The following CNTNAP4 variants were observed in gnomAD, a reference collection of about 807,000 sequenced individuals.
CNTNAP4 encodes the protein contactin-associated protein-like 4.
In CNTNAP4, 98 loss-of-function variants were observed where a neutral mutation model predicts 148.4. The observed-to-expected ratio is 0.66, with a 90% CI of 0.56 to 0.78. The LOEUF (loss-of-function observed/expected upper bound fraction) is 0.78. CNTNAP4 is among the 30% of genes least tolerant of loss of function. CNTNAP4 has a pLI of 0.00. For missense variants in CNTNAP4, 1,935 were observed against 1,565.6 expected (o/e 1.24, Z -3.98); for synonymous variants, 730 against 565.1 (o/e 1.29, Z -4.14).
At chr16:76,369,882 C>T (rs563898797) in intron 3 of CNTNAP4, among the ~76,000 whole-genome samples, 74 of 152,040 alleles carry the variant, frequency 4.9e-4, no homozygotes, top group African/African-American at 1.5e-3. Context: ...AGAGGATTTG[C>T]CCTTTCTCCT....
chr16:76,469,900 T>C (rs937738076), intron 10 of CNTNAP4, among the ~76,000 whole-genome samples: 1 of 152,164 alleles, frequency 6.6e-6, no homozygotes, highest in South Asian at 2.1e-4. Context: ...TGTTGTCTTA[T>C]ACTCAGAAGA....
chr16:76,362,137 C>G (rs2013513238), intron 3 of CNTNAP4, among the ~76,000 whole-genome samples: 1 of 151,936 alleles, frequency 6.6e-6, no homozygotes, highest in Admixed American at 6.6e-5. Flanking sequence ...AAATTTAAAA[C>G]ATAGTCTCAT....
At chr16:76,393,010 T>C (rs1342854367) in intron 3 of CNTNAP4, among the ~76,000 whole-genome samples, 1 of 152,220 alleles carries the variant, frequency 6.6e-6, no homozygotes, top group Non-Finnish European at 1.5e-5. Context: ...TTATCGTAAG[T>C]ATTTTAATGA....
intron 1 of CNTNAP4, among the ~76,000 whole-genome samples, chr16:76,297,388 AT>A (rs1468401469): frequency 1.3e-5 from 2 of 152,166 alleles, no homozygotes; most frequent in African/African-American, 2.4e-5. Flanking sequence ...AACTATTTAT[AT>A]TTATTTTTGT....
intron 3 of CNTNAP4, among the ~76,000 whole-genome samples, chr16:76,369,828 T>C (rs963908784): frequency 1.3e-5 from 2 of 151,750 alleles, no homozygotes; most frequent in Non-Finnish European, 1.5e-5. Context: ...GGCAACAGAG[T>C]GAGACCCTGT....
intron 3 of CNTNAP4, among the ~76,000 whole-genome samples, chr16:76,420,510 C>T (rs974307250): frequency 6.6e-6 from 1 of 151,914 alleles, no homozygotes; most frequent in Non-Finnish European, 1.5e-5. Flanking sequence ...CCTTTAATCT[C>T]CGTGCGGGGC....
At chr16:76,444,688 A>G (rs1037361658) in intron 4 of CNTNAP4, among the ~76,000 whole-genome samples, 1 of 152,182 alleles carries the variant, frequency 6.6e-6, no homozygotes, top group Non-Finnish European at 1.5e-5. Flanking sequence ...TTTTATAAAA[A>G]TTGCTTATAA....
intron 17 of CNTNAP4, among the ~76,000 whole-genome samples, chr16:76,533,615 T>G (rs1442418263): frequency 1.3e-5 from 2 of 152,010 alleles, no homozygotes; most frequent in African/African-American, 4.8e-5. Context: ...TGTCTATTAA[T>G]TTTTACAACA....
At chr16:76,473,405 T>A (rs73621029) in intron 10 of CNTNAP4, among the ~76,000 whole-genome samples, 3,521 of 152,290 alleles carry the variant, frequency 0.023, 123 homozygotes, top group African/African-American at 0.081. Flanking sequence ...CATCTCTTTT[T>A]TTATAATCAG....
At chr16:76,450,759 C>T (rs759654308) in intron 7 of CNTNAP4, among the ~76,000 whole-genome samples, 3 of 152,164 alleles carry the variant, frequency 2.0e-5, no homozygotes, top group African/African-American at 4.8e-5. Flanking sequence ...TCTGTGGAAA[C>T]GGGGACAATT....
At chr16:76,290,724 C>T (rs1423996496) in intron 1 of CNTNAP4, among the ~76,000 whole-genome samples, 1 of 152,204 alleles carries the variant, frequency 6.6e-6, no homozygotes, top group Admixed American at 6.5e-5. Context: ...AAAAGCTTCA[C>T]TCCTTCCCGA....
chr16:76,531,382 T>C (rs954503520), intron 17 of CNTNAP4, among the ~76,000 whole-genome samples: 1 of 152,190 alleles, frequency 6.6e-6, no homozygotes, highest in Non-Finnish European at 1.5e-5. Context: ...GCTGGGTCTC[T>C]ACTCAGCACC....
chr16:76,332,935 G>C (rs1963667612), intron 2 of CNTNAP4, among the ~76,000 whole-genome samples: 1 of 152,102 alleles, frequency 6.6e-6, no homozygotes, highest in Admixed American at 6.5e-5. Flanking sequence ...ACAGTCAAGG[G>C]GTCAGGTGAC....
intron 4 of CNTNAP4, among the ~76,000 whole-genome samples, chr16:76,431,451 G>T (rs373594347): frequency 2.6e-5 from 4 of 152,250 alleles, no homozygotes; most frequent in Non-Finnish European, 2.9e-5. Context: ...AGGTGGAGGT[G>T]GGGGGTTACC....
At chr16:76,342,522 G>A (rs564369746) in intron 2 of CNTNAP4, among the ~76,000 whole-genome samples, 103 of 139,364 alleles carry the variant, frequency 7.4e-4, no homozygotes, top group African/African-American at 2.7e-3. Flanking sequence ...GCCCAGGTTG[G>A]AGTGCAGTGG....
chr16:76,365,268 G>C (rs1156459935), intron 3 of CNTNAP4, among the ~76,000 whole-genome samples: 1 of 152,108 alleles, frequency 6.6e-6, no homozygotes. Context: ...TGCTGTTTTT[G>C]TTACTGTAGC....
intron 3 of CNTNAP4, among the ~76,000 whole-genome samples, chr16:76,418,195 C>T (rs1311859482): frequency 6.6e-6 from 1 of 151,486 alleles, no homozygotes; most frequent in Non-Finnish European, 1.5e-5. Flanking sequence ...TCAAGTATTT[C>T]TTTGATCTAT....
intron 10 of CNTNAP4, among the ~76,000 whole-genome samples, chr16:76,474,176 G>A (rs2081477883): frequency 6.6e-6 from 1 of 152,272 alleles, no homozygotes; most frequent in Admixed American, 6.5e-5. Flanking sequence ...AAAGAAGTTA[G>A]GCTCCTACCT....
intron 3 of CNTNAP4, among the ~76,000 whole-genome samples, chr16:76,389,650 C>T (rs1056945856): frequency 1.3e-5 from 2 of 151,684 alleles, no homozygotes; most frequent in Non-Finnish European, 2.9e-5. Flanking sequence ...TTAGTAGAAA[C>T]AGGGTTTCGC....
Sources: allele counts gnomAD v4.1 joint callset (sites outside exome capture counted in the v4.1 genomes callset), GRCh38; gene constraint gnomAD v4.1.1; transcripts MANE v1.5; gene names NCBI Gene and HGNC (gene_info 2026-07-23, HGNC 2026-07-21).